The following TMC2 variants were observed in gnomAD, a reference collection of about 807,000 sequenced individuals.
TMC2 encodes the protein transmembrane channel-like protein 2.
In TMC2, 102 loss-of-function variants were observed where a neutral mutation model predicts 105.9. That is an observed-to-expected ratio of 0.96 (90% CI 0.82 to 1.14). The LOEUF is 1.14. Among genes scored for constraint, TMC2 ranks in the 50% most tolerant of loss-of-function variants. The pLI, the probability that TMC2 is intolerant of heterozygous loss-of-function variation, is 0.00. For missense variants in TMC2, 1,093 were observed against 1,134.3 expected, an observed-to-expected ratio of 0.96 and a Z score of 0.52; for synonymous variants, 402 against 422.8, an observed-to-expected ratio of 0.95 and a Z score of 0.60.
chr20:2,613,498 C>T (rs1170990161), intron 14 of TMC2, 176 bp downstream of exon 14: 1 of 885,364 alleles, frequency 1.1e-6, no homozygotes, highest in Admixed American at 2.2e-5. Context: ...TATTTGCCTT[C>T]ATAAGGGAAA....
chr20:2,579,572 C>A (rs2086173869), intron 6 of TMC2, among the ~76,000 whole-genome samples: 1 of 151,810 alleles, frequency 6.6e-6, no homozygotes. Flanking sequence ...CAGGTCTGGG[C>A]CACCACACCT....
intron 5 of TMC2, 65 bp downstream of exon 5, chr20:2,572,334 A>G (rs1238346533): frequency 1.6e-6 from 2 of 1,275,158 alleles, no homozygotes; most frequent in African/African-American, 2.9e-5. Context: ...CTGGCGACCA[A>G]CTTCGGCAAC....
chr20:2,569,237 C>T (rs1682962219), intron 4 of TMC2, among the ~76,000 whole-genome samples: 1 of 152,202 alleles, frequency 6.6e-6, no homozygotes, highest in African/African-American at 2.4e-5. Context: ...GAAGATTTAA[C>T]AATCTGTTCT....
At chr20:2,596,401 G>A (rs1045391093) in intron 9 of TMC2, among the ~76,000 whole-genome samples, 3 of 152,140 alleles carry the variant, frequency 2.0e-5, no homozygotes, top group Non-Finnish European at 2.9e-5. Context: ...GGAGGCCGAG[G>A]CAGGCAGATC....
At chr20:2,604,203 G>A (rs1221058332) in intron 11 of TMC2, among the ~76,000 whole-genome samples, 1 of 152,192 alleles carries the variant, frequency 6.6e-6, no homozygotes, top group Non-Finnish European at 1.5e-5. Flanking sequence ...CAGAGCCTCC[G>A]AAGGCTTTTT....
chr20:2,623,554 G>C (rs1342449154), intron 16 of TMC2, among the ~76,000 whole-genome samples: 1 of 150,728 alleles, frequency 6.6e-6, no homozygotes, highest in South Asian at 2.1e-4. Flanking sequence ...AAAAAAGACA[G>C]AGAGAGAGAG....
At chr20:2,612,584 A>G (rs2086449215) in intron 13 of TMC2, among the ~76,000 whole-genome samples, 1 of 152,214 alleles carries the variant, frequency 6.6e-6, no homozygotes, top group South Asian at 2.1e-4. Context: ...AATTTTTCCA[A>G]AAACATAGTA....
At chr20:2,585,429 A>G (rs6515595) in intron 7 of TMC2, among the ~76,000 whole-genome samples, 11,039 of 152,068 alleles carry the variant, frequency 0.073, 1,325 homozygotes, top group African/African-American at 0.25. Context: ...TGGGTAACAA[A>G]TTACTCCCTA....
chr20:2,623,634 C>T (rs533169605), intron 16 of TMC2, among the ~76,000 whole-genome samples: 1 of 152,230 alleles, frequency 6.6e-6, no homozygotes, highest in African/African-American at 2.4e-5. Flanking sequence ...TTTCAAACCC[C>T]GTATTCCACC....
intron 10 of TMC2, among the ~76,000 whole-genome samples, chr20:2,600,879 C>T (rs1177302243): frequency 2.1e-5 from 3 of 145,268 alleles, no homozygotes; most frequent in Non-Finnish European, 4.5e-5. Context: ...CCCAGCTACT[C>T]AGGAGGCTGA....
chr20:2,633,651 C>G (rs4597608), intron 17 of TMC2, among the ~76,000 whole-genome samples: 2 of 152,010 alleles, frequency 1.3e-5, no homozygotes, highest in African/African-American at 4.8e-5. Flanking sequence ...TTCTCTGGGT[C>G]TGAGGATTTT....
intron 2 of TMC2, among the ~76,000 whole-genome samples, chr20:2,543,121 C>T (rs2122796167): frequency 6.6e-6 from 1 of 152,076 alleles, no homozygotes; most frequent in Admixed American, 6.5e-5. Flanking sequence ...CCTGTAATCC[C>T]AGCTACTCAG....
At chr20:2,543,006 G>A (rs1425682883) in intron 2 of TMC2, among the ~76,000 whole-genome samples, 2 of 152,124 alleles carry the variant, frequency 1.3e-5, no homozygotes, top group African/African-American at 4.8e-5. Context: ...GGAGGCCAAG[G>A]TGGGCGAATC....
chr20:2,577,353 T>C (rs1198596408), intron 5 of TMC2, among the ~76,000 whole-genome samples: 4 of 152,162 alleles, frequency 2.6e-5, no homozygotes, highest in Non-Finnish European at 5.9e-5. Context: ...AAGAGTATTT[T>C]TGAACACAGT....
chr20:2,641,054 G>A (rs1182125852), intron 19 of TMC2, 80 bp from the exon 20 acceptor site: 23 of 1,252,044 alleles, frequency 1.8e-5, no homozygotes, highest in East Asian at 4.6e-5. Context: ...TACACACACC[G>A]CAGGGCGACT....
At position 2,562,199 on chromosome 20, in the gene TMC2, G is replaced by T. The variant is rs371035617; in HGVS notation, c.554+189G>T. Among the ~76,000 whole-genome samples, 8 of 152,358 alleles carry T rather than the reference G, an allele frequency of 5.3e-5. 1 individual carries two copies. The South Asian group carries it at 1.7e-3, about 32-fold the overall frequency. Reference sequence around the variant, plus strand: ...GTTCGCCAGCACCACAGGGCCTAGAGGGGGAGCCATGGAAGACTCGGAGGA... The same window carrying T: ...GTTCGCCAGCACCACAGGGCCTAGATGGGGAGCCATGGAAGACTCGGAGGA... On this transcript the variant is annotated intron_variant, in intron 4 of 19. Transcript: ENST00000358864.
chr20:2,604,693 G>A (rs1016067128), intron 11 of TMC2, among the ~76,000 whole-genome samples: 8 of 152,090 alleles, frequency 5.3e-5, no homozygotes, highest in African/African-American at 1.4e-4. Context: ...ACTTTCAGCC[G>A]TATCCCGTCA....
intron 11 of TMC2, among the ~76,000 whole-genome samples, chr20:2,607,748 T>C (rs1253292559): frequency 6.6e-6 from 1 of 152,260 alleles, no homozygotes. Flanking sequence ...TTAGGACACC[T>C]AGCTTCATTG....
intron 14 of TMC2, chr20:2,613,781 A>G (rs916351875): frequency 2.4e-5 from 6 of 247,408 alleles, no homozygotes; most frequent in Non-Finnish European, 4.8e-5. Flanking sequence ...GTATTCCCTT[A>G]TAGCCCTCTT....
Sources: gnomAD v4.1 joint callset for allele counts (sites outside exome capture counted in the v4.1 genomes callset) on GRCh38, gnomAD v4.1.1 for gene constraint, MANE v1.5 for transcripts, NCBI Gene and HGNC (gene_info 2026-07-23, HGNC 2026-07-21) for gene names.